TRAPPC12: variants seen among roughly 807,000 people sequenced by gnomAD.
The protein encoded by TRAPPC12 is TPR repeat protein 15.
A neutral mutation model predicts 69.2 loss-of-function variants in TRAPPC12; 61 were observed. The observed-to-expected ratio is 0.88, with a 90% CI of 0.72 to 1.09. TRAPPC12 has a LOEUF of 1.09. Among genes scored for constraint, TRAPPC12 ranks in the 50% least tolerant of loss-of-function variants. The pLI is 0.00. For synonymous variants in TRAPPC12, 469 were observed against 438.9 expected, an observed-to-expected ratio of 1.07 and a Z score of -0.86; for missense variants, 1,101 against 1,016.4, an observed-to-expected ratio of 1.08 and a Z score of -1.13.
intron 5 of TRAPPC12, among the ~76,000 whole-genome samples, chr2:3,440,127 TGTCA>T (rs1664116794): frequency 6.6e-6 from 1 of 152,178 alleles, no homozygotes; most frequent in South Asian, 2.1e-4. Context: ...AGGTGGGTAG[TGTCA>T]GCCTGCCAGA....
At chr2:3,408,066 T>C (rs1296622154) in intron 3 of TRAPPC12, among the ~76,000 whole-genome samples, 1 of 152,124 alleles carries the variant, frequency 6.6e-6, no homozygotes, top group Non-Finnish European at 1.5e-5. Flanking sequence ...GCTCTGCTAG[T>C]TCCACATCAC....
intron 3 of TRAPPC12, among the ~76,000 whole-genome samples, chr2:3,405,970 C>T (rs1477665325): frequency 6.6e-6 from 1 of 152,138 alleles, no homozygotes; most frequent in Non-Finnish European, 1.5e-5. Flanking sequence ...TACCAGTTCC[C>T]ACAACCCTGC....
intron 5 of TRAPPC12, among the ~76,000 whole-genome samples, chr2:3,435,921 A>G (rs57898165): frequency 0.026 from 4,036 of 152,362 alleles, 162 homozygotes; most frequent in African/African-American, 0.092. Flanking sequence ...AGGAAGGTCA[A>G]TGTGCATTTT....
intron 5 of TRAPPC12, among the ~76,000 whole-genome samples, chr2:3,434,203 G>A (rs1663623029): frequency 1.3e-5 from 2 of 152,242 alleles, no homozygotes. Context: ...TGTGCACCCA[G>A]TGCAGGCCCT....
chr2:3,426,596 T>C (rs1376171573), intron 5 of TRAPPC12, among the ~76,000 whole-genome samples: 1 of 152,170 alleles, frequency 6.6e-6, no homozygotes, highest in African/African-American at 2.4e-5. Context: ...CCCTCACTGG[T>C]GTTGCTGGCC....
intron 8 of TRAPPC12, 75 bp from the exon 9 acceptor site, chr2:3,465,522 T>C: frequency 3.9e-6 from 4 of 1,024,354 alleles, no homozygotes; most frequent in Non-Finnish European, 6.2e-6. Flanking sequence ...CTGTATACAC[T>C]TGTGCTCTTC....
intron 3 of TRAPPC12, among the ~76,000 whole-genome samples, chr2:3,419,245 T>C (rs1450887314): frequency 6.6e-6 from 1 of 152,212 alleles, no homozygotes; most frequent in African/African-American, 2.4e-5. Flanking sequence ...TAGTTGCCCC[T>C]GGATACAGAA....
intron 3 of TRAPPC12, among the ~76,000 whole-genome samples, chr2:3,413,050 G>T (rs1055306917): frequency 2.0e-5 from 3 of 152,174 alleles, no homozygotes; most frequent in Non-Finnish European, 4.4e-5. Flanking sequence ...GAAAACAGTT[G>T]AATACTTTTA....
chr2:3,397,510 C>T (rs1197955992), intron 2 of TRAPPC12, among the ~76,000 whole-genome samples: 3 of 152,234 alleles, frequency 2.0e-5, no homozygotes, highest in Non-Finnish European at 4.4e-5. Flanking sequence ...TTCAGAGCTG[C>T]ACTCTCTGCA....
chr2:3,380,048 C>A (rs1255729518), intron 1 of TRAPPC12, among the ~76,000 whole-genome samples, 172 bp downstream of exon 1: 1 of 152,006 alleles, frequency 6.6e-6, no homozygotes, highest in East Asian at 1.9e-4. Context: ...CGTGTGTGCT[C>A]CGCGGGCCTT....
chr2:3,469,976 G>A (rs1275783773), intron 9 of TRAPPC12, among the ~76,000 whole-genome samples: 2 of 152,162 alleles, frequency 1.3e-5, no homozygotes, highest in South Asian at 4.1e-4. Context: ...AGGGAGGCTC[G>A]GCATTTTCTA....
intron 3 of TRAPPC12, among the ~76,000 whole-genome samples, chr2:3,416,016 CACTT>C (rs1483303964): frequency 2.0e-5 from 3 of 152,112 alleles, no homozygotes; most frequent in African/African-American, 7.2e-5. Flanking sequence ...ACGCCTGGCC[CACTT>C]ACTTTCATCT....
Position 3,398,551 on chromosome 2 carries a change from G to A in TRAPPC12, c.1048-3226G>A, listed in dbSNP as rs867775933. On this transcript the variant is annotated intron_variant, in intron 2 of 11. Transcript: ENST00000324266. ...GTGCAGGGGCTGCTGCCTTTCAGCA[G>A]CGCTACCCCGTGAGCATTTGTGTCT... Among the ~76,000 whole-genome samples, 13 of 152,354 alleles carry A rather than the reference G, an allele frequency of 8.5e-5. No homozygotes were observed. The Middle Eastern group carries it at 0.01, about 120-fold the overall frequency.
At chr2:3,450,270 A>T (rs1349011977) in intron 6 of TRAPPC12, among the ~76,000 whole-genome samples, 1 of 152,250 alleles carries the variant, frequency 6.6e-6, no homozygotes, top group African/African-American at 2.4e-5. Context: ...TTGATGTAAG[A>T]TGATTCTTAA....
At position 3,421,949 on chromosome 2, in the gene TRAPPC12, C is replaced by T. The variant is rs757367043; in HGVS notation, c.1233C>T (p.Tyr411=). 2.6e-4 allele frequency: 422 copies of T among 1,613,514 alleles called. 1 individual carries two copies. The highest frequency in any genetic ancestry group is 3.2e-4 in the Non-Finnish European group (377 of 1,179,960). Residue 411 remains tyrosine, a synonymous_variant, in exon 4 of 12, where the codon TAC becomes TAT. Coordinates refer to ENST00000324266, the MANE Select transcript of TRAPPC12 (RefSeq NM_016030.6). The part of the protein sequence containing the change: ...GRLLTAHGQG[Y]GKSGLLTSHT... ...TCCTCACAGCCCACGGCCAGGGCTA[C>T]GGCAAGAGCGGGCTGCTCACCAGCC...
chr2:3,402,967 A>G (rs1572103224), intron 3 of TRAPPC12, among the ~76,000 whole-genome samples: 1 of 152,258 alleles, frequency 6.6e-6, no homozygotes, highest in Middle Eastern at 3.4e-3. Flanking sequence ...AGGGGTTTGG[A>G]GAGTGAGGTC....
At position 3,391,689 on chromosome 2, in the gene TRAPPC12, G is replaced by A. The variant is rs140145496; in HGVS notation, c.1047+3019G>A. Among the ~76,000 whole-genome samples, 563 of 152,208 alleles carry A rather than the reference G, an allele frequency of 3.7e-3. 2 individuals carry two copies. The highest frequency in any genetic ancestry group is 0.011 in the African/African-American group (464 of 41,504). ...GATCTTTTTAATGAATACCAATTCC[G>A]GACTCTGATGTCAGGGGTATTTGGA... On this transcript the variant is annotated intron_variant, in intron 2 of 11. Transcript: ENST00000324266.
chr2:3,438,242 C>T (rs1231183904), intron 5 of TRAPPC12, among the ~76,000 whole-genome samples: 1 of 110,940 alleles, frequency 9.0e-6, no homozygotes, highest in Admixed American at 9.0e-5. Flanking sequence ...ATCCCCCCAT[C>T]AGCCCTGGAT....
intron 10 of TRAPPC12, 53 bp downstream of exon 10, chr2:3,477,848 A>G: frequency 1.5e-6 from 2 of 1,296,422 alleles, no homozygotes; most frequent in South Asian, 1.5e-5. Flanking sequence ...AGAGGCGTTC[A>G]AGCCCCACTT....
Sources: allele counts gnomAD v4.1 joint callset (sites outside exome capture counted in the v4.1 genomes callset), GRCh38; gene constraint gnomAD v4.1.1; transcripts MANE v1.5; gene names NCBI Gene and HGNC (gene_info 2026-07-23, HGNC 2026-07-21).